The following ZC3H18 variants were observed in gnomAD, a reference collection of about 807,000 sequenced individuals.
ZC3H18 encodes zinc finger CCCH-type containing 18.
Under a neutral mutation model 106.1 loss-of-function variants are expected in ZC3H18, and 8 were observed. The ratio of observed to expected loss-of-function variants is 0.08; its 90% CI spans 0.04 to 0.14. The LOEUF is 0.14. Ranked by LOEUF, ZC3H18 falls within the 10% of genes least tolerant of loss-of-function variation. The probability of loss-of-function intolerance (pLI) is 1.00; values close to 1 mark genes in which losing one functional copy is unlikely to be tolerated. For synonymous variants in ZC3H18, 635 were observed against 522.1 expected, an observed-to-expected ratio of 1.22 and a Z score of -2.95; for missense variants, 1,318 against 1,278.4, an observed-to-expected ratio of 1.03 and a Z score of -0.47.
chr16:88,606,377 G>C (rs1905011358), intron 6 of ZC3H18, among the ~76,000 whole-genome samples: 1 of 152,236 alleles, frequency 6.6e-6, no homozygotes, highest in Non-Finnish European at 1.5e-5. Context: ...GCCACGCTGA[G>C]GAAATGCTGT....
At chr16:88,608,726 T>A in intron 6 of ZC3H18, 2 of 365,462 alleles carry the variant, frequency 5.5e-6, no homozygotes, top group South Asian at 1.1e-4. Flanking sequence ...TTAGACATTT[T>A]TATCATCTGT....
chr16:88,606,993 A>G (rs1162104562), intron 6 of ZC3H18, among the ~76,000 whole-genome samples: 1 of 152,122 alleles, frequency 6.6e-6, no homozygotes, highest in Non-Finnish European at 1.5e-5. Context: ...GGGACCTCCT[A>G]TTGCTAGTGT....
chr16:88,623,826 C>T, intron 10 of ZC3H18, 132 bp from the exon 11 acceptor site: 1 of 1,431,252 alleles, frequency 7.0e-7, no homozygotes, highest in East Asian at 2.5e-5. Flanking sequence ...CAGTCCAGAA[C>T]TGAAGTTAAA....
chr16:88,627,412 C>T lies in ZC3H18; in HGVS notation c.2109-210C>T, dbSNP rs1906377926. 1.8e-6 allele frequency: 1 copy of T among 550,120 alleles called. No homozygotes were observed. The highest frequency in any genetic ancestry group is 3.1e-5 in the East Asian group (1 of 32,344). 34.1% of individuals were successfully genotyped at this position (550,120 alleles called of 1,614,324 possible). On this transcript the variant is annotated intron_variant, in intron 13 of 17. Coordinates refer to ENST00000301011, the MANE Select transcript of ZC3H18 (RefSeq NM_144604.4). This position sits in a 1 kb window ranked among gnomAD's most constrained non-coding sequence, Gnocchi z 4.5. Reference sequence around the variant, plus strand: ...GCAGCCGTGCCTGGCTGCAACCTGACATTGATTAGTGAAATGGGGCCCTGG... The same window carrying T: ...GCAGCCGTGCCTGGCTGCAACCTGATATTGATTAGTGAAATGGGGCCCTGG...
chr16:88,574,126 C>T (rs924153462), intron 1 of ZC3H18, among the ~76,000 whole-genome samples: 2 of 152,060 alleles, frequency 1.3e-5, no homozygotes, highest in African/African-American at 4.8e-5. Flanking sequence ...CCACCCGCGT[C>T]AGTCTTCCAA....
At chr16:88,586,734 T>C (rs61338857) in intron 3 of ZC3H18, 50 bp downstream of exon 3, 121,507 of 1,485,088 alleles carry the variant, frequency 0.082, 5,481 homozygotes, top group African/African-American at 0.14. Flanking sequence ...GGCCCCACCT[T>C]CTGGGGCTGT....
chr16:88,627,519 G>A lies in ZC3H18; in HGVS notation c.2109-103G>A. The A allele has an allele frequency of 6.9e-7, 1 of 1,458,388 alleles. No homozygotes were observed. The highest frequency in any genetic ancestry group is 9.2e-7 in the Non-Finnish European group (1 of 1,082,560). The allele number at this position is 1,458,388 out of a possible 1,614,324, so 90.3% of individuals were successfully genotyped here. A position where few individuals can be genotyped will look rare whatever the true frequency, so the allele number is the denominator to read the frequency against. ...AAAATCACACATTCCGTGGGTACAT[G>A]ATCCATAAATGGACACTGCGTAAAA... On this transcript the variant is annotated intron_variant, in intron 13 of 17. Transcript: ENST00000301011. This position sits in a 1 kb window ranked among gnomAD's most constrained non-coding sequence, Gnocchi z 4.5.
chr16:88,622,139 T>G (rs1111433), intron 8 of ZC3H18, 58 bp from the exon 9 acceptor site: 2 of 1,543,002 alleles, frequency 1.3e-6, no homozygotes, highest in Non-Finnish European at 8.8e-7. Context: ...CTGTCACACC[T>G]GGCATTGCTG....
At chr16:88,587,408 G>A (rs1331127382) in intron 3 of ZC3H18, 1 of 687,242 alleles carries the variant, frequency 1.5e-6, no homozygotes, top group East Asian at 2.7e-5. Flanking sequence ...TTGTAATTCA[G>A]CGTTCCCCTT....
chr16:88,620,387 G>T (rs374273020), intron 8 of ZC3H18, among the ~76,000 whole-genome samples: 10 of 152,188 alleles, frequency 6.6e-5, no homozygotes, highest in African/African-American at 2.2e-4. Context: ...CCAGAAATTC[G>T]AGACCAGCCT....
intron 3 of ZC3H18, 141 bp from the exon 4 acceptor site, chr16:88,598,037 G>A (rs1481207151): frequency 2.1e-5 from 11 of 516,258 alleles, no homozygotes; most frequent in African/African-American, 6.1e-5. Context: ...CCACCTCCCC[G>A]TTCAGTTCCC....
chr16:88,617,369 TG>T (rs1423138681), intron 8 of ZC3H18, among the ~76,000 whole-genome samples: 2 of 152,216 alleles, frequency 1.3e-5, no homozygotes, highest in Non-Finnish European at 2.9e-5. Flanking sequence ...CTCCTCCACC[TG>T]GGCTGTTTTA....
intron 6 of ZC3H18, among the ~76,000 whole-genome samples, chr16:88,607,492 T>C (rs1905068160): frequency 2.6e-5 from 4 of 152,260 alleles, no homozygotes; most frequent in African/African-American, 9.6e-5. Flanking sequence ...GATTCCGAGC[T>C]GCGCTCTCCC....
intron 1 of ZC3H18, among the ~76,000 whole-genome samples, chr16:88,572,244 T>A (rs1311382093): frequency 1.3e-5 from 2 of 152,260 alleles, no homozygotes; most frequent in Non-Finnish European, 2.9e-5. Context: ...AGCAGTGCCG[T>A]TGGAGTCTGT....
intron 3 of ZC3H18, among the ~76,000 whole-genome samples, chr16:88,597,221 G>A (rs1406327195): frequency 1.3e-5 from 2 of 152,200 alleles, no homozygotes; most frequent in Non-Finnish European, 2.9e-5. Flanking sequence ...AATGCTTTTA[G>A]AAATTTTAAA....
chr16:88,631,080 G>A (rs946345349), intron 17 of ZC3H18, 21 bp from the exon 18 acceptor site: 2 of 1,610,712 alleles, frequency 1.2e-6, no homozygotes, highest in Non-Finnish European at 1.7e-6. Context: ...GGGGCTCAAG[G>A]TCTTCCCCAC....
chr16:88,571,535 C>T (rs940154779), intron 1 of ZC3H18: 1 of 760,154 alleles, frequency 1.3e-6, no homozygotes, highest in African/African-American at 1.9e-5. Context: ...ATTTTACTAT[C>T]TAAGGGCAGT....
intron 4 of ZC3H18, 106 bp downstream of exon 4, chr16:88,598,432 CCTTT>C (rs1904564592): frequency 6.6e-7 from 1 of 1,507,956 alleles, no homozygotes; most frequent in African/African-American, 1.4e-5. Context: ...CTCAGTGCCC[CCTTT>C]CGGCTGCTTC....
intron 6 of ZC3H18, among the ~76,000 whole-genome samples, chr16:88,604,729 G>A (rs1375658219): frequency 6.6e-6 from 1 of 152,140 alleles, no homozygotes; most frequent in Non-Finnish European, 1.5e-5. Flanking sequence ...GGCTCCTGGG[G>A]ATGCTGTGCC....
Sources: allele counts gnomAD v4.1 joint callset (sites outside exome capture counted in the v4.1 genomes callset), GRCh38; gene constraint gnomAD v4.1.1; non-coding constraint Gnocchi (gnomAD v3.1); transcripts MANE v1.5; gene names NCBI Gene and HGNC (gene_info 2026-07-23, HGNC 2026-07-21).